Variants in SRGAP1 observed in about 807,000 individuals in gnomAD.
SRGAP1 encodes SLIT-ROBO Rho GTPase activating protein 1.
SRGAP1 carries 43 observed loss-of-function variants against 121.9 expected under a neutral mutation model. The observed-to-expected ratio is 0.35, with a 90% CI of 0.28 to 0.46. SRGAP1 has a LOEUF of 0.46. Among genes scored for constraint, SRGAP1 ranks in the 20% least tolerant of loss-of-function variants. The pLI is 1.00. For synonymous variants in SRGAP1, 447 were observed against 485.4 expected (o/e 0.92, Z 1.04); for missense variants, 1,102 against 1,350.9 (o/e 0.82, Z 2.89).
chr12:64,043,022 A>G (rs372656157), intron 5 of SRGAP1, 50 bp downstream of exon 5: 13 of 1,262,988 alleles, frequency 1.0e-5, no homozygotes, highest in Non-Finnish European at 1.4e-5. Context: ...AGGAGACAAT[A>G]CTAAGAACAC....
intron 11 of SRGAP1, among the ~76,000 whole-genome samples, chr12:64,091,066 G>A (rs1426593996): frequency 6.6e-6 from 1 of 152,130 alleles, no homozygotes; most frequent in Admixed American, 6.5e-5. Flanking sequence ...AGCATACAGG[G>A]AAACAGCAGT....
At chr12:64,036,625 C>T (rs898103461) in intron 4 of SRGAP1, among the ~76,000 whole-genome samples, 3 of 152,136 alleles carry the variant, frequency 2.0e-5, no homozygotes, top group Non-Finnish European at 2.9e-5. Flanking sequence ...TCTGAGAGGC[C>T]ATAAATTCCA....
intron 21 of SRGAP1, 52 bp from the exon 22 acceptor site, chr12:64,142,243 T>C (rs2036976144): frequency 6.3e-7 from 1 of 1,575,048 alleles, no homozygotes; most frequent in African/African-American, 1.4e-5. Context: ...TTCTATACAT[T>C]AGTATTCATT....
chr12:64,127,545 T>C, intron 19 of SRGAP1, 45 bp from the exon 20 acceptor site: 1 of 1,553,834 alleles, frequency 6.4e-7, no homozygotes, highest in Middle Eastern at 1.7e-4. Context: ...TTTGTAAAAT[T>C]TGTAAATCTA....
intron 15 of SRGAP1, among the ~76,000 whole-genome samples, chr12:64,098,020 C>G (rs867792105): frequency 2.6e-4 from 40 of 152,172 alleles, no homozygotes; most frequent in Admixed American, 1.3e-4. Context: ...TAGCCACAAT[C>G]AAGATCCATG....
intron 18 of SRGAP1, 46 bp downstream of exon 18, chr12:64,115,939 T>C (rs1349857989): frequency 1.3e-6 from 2 of 1,508,874 alleles, no homozygotes; most frequent in Non-Finnish European, 9.1e-7. Context: ...TTTATATCCC[T>C]ATTGTAAACA....
At chr12:64,001,996 G>C (rs2033914538) in intron 3 of SRGAP1, among the ~76,000 whole-genome samples, 1 of 152,150 alleles carries the variant, frequency 6.6e-6, no homozygotes. Flanking sequence ...CAGGTAGTTT[G>C]GGGAAGAAGA....
At chr12:64,060,848 C>T (rs2035438747) in intron 6 of SRGAP1, among the ~76,000 whole-genome samples, 1 of 152,132 alleles carries the variant, frequency 6.6e-6, no homozygotes, top group Admixed American at 6.6e-5. Flanking sequence ...GTTCAAATTC[C>T]TTGTGGATGG....
At chr12:63,900,500 C>T (rs947509324) in intron 1 of SRGAP1, among the ~76,000 whole-genome samples, 1 of 151,910 alleles carries the variant, frequency 6.6e-6, no homozygotes, top group Non-Finnish European at 1.5e-5. Flanking sequence ...CACCTGTGCC[C>T]GGCCATGCTT....
At chr12:64,081,880 C>G (rs1384606533) in intron 10 of SRGAP1, 3 of 149,096 alleles carry the variant, frequency 2.0e-5, no homozygotes, top group African/African-American at 7.4e-5. Context: ...TCCTGTACTG[C>G]TCTTTTAACT....
At position 63,976,167 on chromosome 12, in the gene SRGAP1, C is replaced by T. The variant is rs148749194; in HGVS notation, c.68-7780C>T. ...TAAACACAGGTATTTTTAGTAAGGA[C>T]GCCAGGTGGTTTTTATCATCAAGCC... On this transcript the variant is annotated intron_variant, in intron 1 of 21. Coordinates refer to ENST00000355086, the MANE Select transcript of SRGAP1 (RefSeq NM_020762.4). Among the ~76,000 whole-genome samples, 24 of 152,228 alleles carry T rather than the reference C, an allele frequency of 1.6e-4. No homozygotes were observed. In the East Asian group the frequency reaches 3.3e-3, roughly 21 times the overall value.
chr12:63,983,700 G>A (rs138337536), intron 1 of SRGAP1: 2,745 of 151,056 alleles, frequency 0.018, 97 homozygotes, highest in African/African-American at 0.059. Context: ...AACCCGGGAC[G>A]CAGAGGTTAC....
chr12:64,141,897 A>C (rs901708360), intron 21 of SRGAP1, among the ~76,000 whole-genome samples: 1 of 152,126 alleles, frequency 6.6e-6, no homozygotes, highest in Non-Finnish European at 1.5e-5. Context: ...CTCAGGAGGT[A>C]GGAGGATCAT....
At chr12:64,025,278 G>C (rs2034629676) in intron 4 of SRGAP1, among the ~76,000 whole-genome samples, 1 of 152,092 alleles carries the variant, frequency 6.6e-6, no homozygotes. Flanking sequence ...GGTTTTGTGA[G>C]CCTCCCACAG....
At chr12:63,956,572 C>A (rs1387563182) in intron 1 of SRGAP1, among the ~76,000 whole-genome samples, 1 of 152,186 alleles carries the variant, frequency 6.6e-6, no homozygotes, top group African/African-American at 2.4e-5. Flanking sequence ...ATGAAATAGA[C>A]ATACTGAAAG....
intron 6 of SRGAP1, among the ~76,000 whole-genome samples, chr12:64,055,561 A>C (rs1234856243): frequency 6.6e-6 from 1 of 151,440 alleles, no homozygotes; most frequent in African/African-American, 2.4e-5. Context: ...TCCTAAGCCA[A>C]AAGAACAAAG....
chr12:63,965,095 G>C (rs2032752947), intron 1 of SRGAP1, among the ~76,000 whole-genome samples: 1 of 152,150 alleles, frequency 6.6e-6, no homozygotes, highest in Non-Finnish European at 1.5e-5. Context: ...TGCAAAATAG[G>C]AATGTTCGAA....
At chr12:64,072,257 T>C (rs1565667904) in intron 8 of SRGAP1, among the ~76,000 whole-genome samples, 4 of 150,906 alleles carry the variant, frequency 2.7e-5, no homozygotes, top group Non-Finnish European at 5.9e-5. Flanking sequence ...AGTAGTTCAG[T>C]GGGGAGGCAA....
chr12:64,085,778 TTAAA>T (rs993575949), intron 10 of SRGAP1, among the ~76,000 whole-genome samples: 1 of 152,188 alleles, frequency 6.6e-6, no homozygotes, highest in African/African-American at 2.4e-5. Context: ...GACTTATAAC[TTAAA>T]TAAGTAGAAC....
Sources: gnomAD v4.1 joint callset for allele counts (sites outside exome capture counted in the v4.1 genomes callset) on GRCh38, gnomAD v4.1.1 for gene constraint, MANE v1.5 for transcripts, NCBI Gene and HGNC (gene_info 2026-07-23, HGNC 2026-07-21) for gene names.